RBFOX1: variants seen among roughly 807,000 people sequenced by gnomAD.
The protein encoded by RBFOX1 is RNA binding fox-1 homolog 1.
RBFOX1 carries 8 observed loss-of-function variants against 57.7 expected under a neutral mutation model. That is an observed-to-expected ratio of 0.14 (90% CI 0.08 to 0.25). The LOEUF (loss-of-function observed/expected upper bound fraction) is 0.25. Ranked by LOEUF, RBFOX1 falls within the 10% of genes least tolerant of loss-of-function variation. RBFOX1 has a pLI of 1.00. For missense variants in RBFOX1, 611 were observed against 548.5 expected, an observed-to-expected ratio of 1.11 and a Z score of -1.14; for synonymous variants, 326 against 222.4, an observed-to-expected ratio of 1.47 and a Z score of -4.15.
chr16:6,450,540 T>C (rs982987223), intron 2 of RBFOX1, among the ~76,000 whole-genome samples: 12 of 151,252 alleles, frequency 7.9e-5, no homozygotes, highest in East Asian at 3.9e-4. Context: ...CCAGCCAACA[T>C]GGAGTGCTTT....
intron 3 of RBFOX1, among the ~76,000 whole-genome samples, chr16:7,032,294 A>G (rs888060180): frequency 6.6e-6 from 1 of 151,876 alleles, no homozygotes; most frequent in Admixed American, 6.6e-5. Flanking sequence ...AAACAAAAAA[A>G]TTTAGCTGGG....
chr16:6,369,482 G>A (rs192197742), intron 2 of RBFOX1, among the ~76,000 whole-genome samples: 1 of 152,278 alleles, frequency 6.6e-6, no homozygotes, highest in Admixed American at 6.5e-5. Flanking sequence ...AGCATTGAGG[G>A]AAGAATGGTT....
At chr16:6,181,926 G>A (rs902184802) in intron 1 of RBFOX1, among the ~76,000 whole-genome samples, 2 of 16,914 alleles carry the variant, frequency 1.2e-4, no homozygotes, top group East Asian at 7.2e-3. Context: ...AGTTTCCATC[G>A]ATGGGGATGC....
chr16:6,751,746 C>T (rs1015926257), intron 3 of RBFOX1, among the ~76,000 whole-genome samples: 9 of 152,122 alleles, frequency 5.9e-5, no homozygotes, highest in African/African-American at 1.7e-4. Context: ...GGAATTGAAC[C>T]TGCGTTGTTT....
At chr16:6,749,896 A>G (rs1472499207) in intron 3 of RBFOX1, among the ~76,000 whole-genome samples, 3 of 152,218 alleles carry the variant, frequency 2.0e-5, no homozygotes, top group Non-Finnish European at 2.9e-5. Flanking sequence ...CTCCATTTCT[A>G]CATCCTCAGA....
chr16:7,158,312 C>T (rs1007139011), intron 4 of RBFOX1, among the ~76,000 whole-genome samples: 10 of 152,112 alleles, frequency 6.6e-5, no homozygotes, highest in African/African-American at 2.4e-4. Flanking sequence ...CATCACTGCA[C>T]TCTACCCTGG....
At chr16:6,923,803 C>A (rs941003827) in intron 3 of RBFOX1, among the ~76,000 whole-genome samples, 3 of 152,132 alleles carry the variant, frequency 2.0e-5, no homozygotes, top group African/African-American at 7.2e-5. Context: ...GGATTTGCCA[C>A]CTTCTAGCCA....
At chr16:6,767,944 TAATAAGAAGAAGAAGAAG>T (rs1189257582) in intron 3 of RBFOX1, among the ~76,000 whole-genome samples, 17 of 86,662 alleles carry the variant, frequency 2.0e-4, no homozygotes, top group East Asian at 7.0e-4. Flanking sequence ...ATAATAATAA[TAATAAGAAGAAGAAGAAG>T]AAGAAGAAGA....
intron 1 of RBFOX1, among the ~76,000 whole-genome samples, chr16:6,202,118 C>G (rs1259151568): frequency 6.6e-6 from 1 of 152,166 alleles, no homozygotes; most frequent in Non-Finnish European, 1.5e-5. Flanking sequence ...AAACACATAG[C>G]TATGTCAGAT....
At chr16:5,986,999 G>A (rs2060298338) in intron 4 of RBFOX1, among the ~76,000 whole-genome samples, 1 of 152,174 alleles carries the variant, frequency 6.6e-6, no homozygotes, top group South Asian at 2.1e-4. Context: ...GGCATTGTAT[G>A]AACAATCCAG....
chr16:6,531,141 C>T (rs569159468), intron 2 of RBFOX1, among the ~76,000 whole-genome samples: 1 of 152,268 alleles, frequency 6.6e-6, no homozygotes, highest in South Asian at 2.1e-4. Flanking sequence ...GTAGTAGGAT[C>T]CAGGTTGTTT....
intron 2 of RBFOX1, among the ~76,000 whole-genome samples, chr16:6,352,833 C>G (rs1278644476): frequency 6.6e-6 from 1 of 152,156 alleles, no homozygotes; most frequent in Non-Finnish European, 1.5e-5. Context: ...CAGTACAAAG[C>G]AATTTGTTTT....
At chr16:7,190,929 T>C (rs1423499275) in intron 4 of RBFOX1, among the ~76,000 whole-genome samples, 1 of 152,136 alleles carries the variant, frequency 6.6e-6, no homozygotes, top group African/African-American at 2.4e-5. Flanking sequence ...AAAGACCTTT[T>C]TTTTTTCCTG....
intron 1 of RBFOX1, among the ~76,000 whole-genome samples, chr16:6,256,944 G>A (rs182642182): frequency 6.6e-6 from 1 of 152,226 alleles, no homozygotes; most frequent in Admixed American, 6.5e-5. Context: ...CTAATAATGT[G>A]TGCACCCCAA....
intron 1 of RBFOX1, among the ~76,000 whole-genome samples, chr16:5,442,250 G>C (rs1374972496): frequency 6.6e-6 from 1 of 152,212 alleles, no homozygotes; most frequent in Non-Finnish European, 1.5e-5. Context: ...TCCGTCCAGT[G>C]GGAGTAGTAC....
At chr16:6,069,503 C>A (rs986408457) in intron 1 of RBFOX1, among the ~76,000 whole-genome samples, 10 of 151,548 alleles carry the variant, frequency 6.6e-5, no homozygotes, top group African/African-American at 2.4e-4. Context: ...GTCATGCCAA[C>A]AGATTGTGTC....
intron 3 of RBFOX1, among the ~76,000 whole-genome samples, chr16:7,043,152 G>A (rs767507599): frequency 2.6e-5 from 4 of 152,022 alleles, no homozygotes; most frequent in Non-Finnish European, 5.9e-5. Flanking sequence ...CTCAGTAAGG[G>A]TTAGATCAAG....
chr16:6,005,967 C>G (rs2094924934), intron 4 of RBFOX1, among the ~76,000 whole-genome samples: 1 of 152,148 alleles, frequency 6.6e-6, no homozygotes, highest in Non-Finnish European at 1.5e-5. Context: ...GACTGTATAG[C>G]AGACAAGGCT....
chr16:7,308,811 A>G (rs2096250155), intron 4 of RBFOX1, among the ~76,000 whole-genome samples: 2 of 152,352 alleles, frequency 1.3e-5, no homozygotes, highest in South Asian at 4.1e-4. Flanking sequence ...TGCACCAGCC[A>G]CGGTTATAAA....
Sources: gnomAD v4.1 joint callset for allele counts (sites outside exome capture counted in the v4.1 genomes callset) on GRCh38, gnomAD v4.1.1 for gene constraint, MANE v1.5 for transcripts, NCBI Gene and HGNC (gene_info 2026-07-23, HGNC 2026-07-21) for gene names.